KCNMA1: variants seen among roughly 807,000 people sequenced by gnomAD.
The protein encoded by KCNMA1 is Calcium-activated potassium channel subunit alpha-1.
KCNMA1 carries 29 observed loss-of-function variants against 140.0 expected under a neutral mutation model. That is an observed-to-expected ratio of 0.21 (90% CI 0.15 to 0.28). The LOEUF is 0.28. Ranked by LOEUF, KCNMA1 falls within the 10% of genes least tolerant of loss-of-function variation. The probability of loss-of-function intolerance (pLI) is 1.00; values close to 1 mark genes in which losing one functional copy is unlikely to be tolerated. For synonymous variants in KCNMA1, 612 were observed against 611.9 expected, an observed-to-expected ratio of 1.00 and a Z score of 0.00; for missense variants, 880 against 1,602.2, an observed-to-expected ratio of 0.55 and a Z score of 7.70.
chr10:77,203,880 T>A (rs990422166), intron 3 of KCNMA1, among the ~76,000 whole-genome samples: 4 of 152,048 alleles, frequency 2.6e-5, no homozygotes, highest in Non-Finnish European at 5.9e-5. Flanking sequence ...GCAGATCACT[T>A]GAAGTCAGGA....
chr10:77,452,728 G>C (rs562195776), intron 1 of KCNMA1, among the ~76,000 whole-genome samples: 1 of 152,100 alleles, frequency 6.6e-6, no homozygotes, highest in Non-Finnish European at 1.5e-5. Context: ...CCTTTTCTGG[G>C]AATCAGTACT....
intron 12 of KCNMA1, among the ~76,000 whole-genome samples, chr10:77,080,984 AAT>A (rs2096550636): frequency 6.6e-6 from 1 of 152,170 alleles, no homozygotes; most frequent in Non-Finnish European, 1.5e-5. Context: ...GCTGGTTAAA[AAT>A]AAGTGCCAAG....
intron 1 of KCNMA1, among the ~76,000 whole-genome samples, chr10:77,477,866 C>G (rs1203694942): frequency 6.6e-6 from 1 of 152,182 alleles, no homozygotes; most frequent in Non-Finnish European, 1.5e-5. Flanking sequence ...TTAGCTGGTC[C>G]TTCAGACCCG....
chr10:77,114,304 C>G (rs1395782296), intron 6 of KCNMA1, among the ~76,000 whole-genome samples: 1 of 152,214 alleles, frequency 6.6e-6, no homozygotes, highest in Non-Finnish European at 1.5e-5. Context: ...TGGAGCATAG[C>G]AGACCCGTGA....
chr10:77,457,751 C>T (rs1031187967), intron 1 of KCNMA1, among the ~76,000 whole-genome samples: 1 of 152,042 alleles, frequency 6.6e-6, no homozygotes, highest in Middle Eastern at 3.2e-3. Flanking sequence ...TGGTAGCTTC[C>T]TGGAAAGGCC....
chr10:77,566,327 A>T (rs1291218310), intron 1 of KCNMA1, among the ~76,000 whole-genome samples: 1 of 152,150 alleles, frequency 6.6e-6, no homozygotes, highest in Non-Finnish European at 1.5e-5. Flanking sequence ...TCGGGGCACC[A>T]CCTGAAAAGT....
At chr10:76,941,022 A>AAGGAAGGAAGGAAGGAAGG (rs1565058483) in intron 23 of KCNMA1, among the ~76,000 whole-genome samples, 8 of 45,550 alleles carry the variant, frequency 1.8e-4, no homozygotes, top group African/African-American at 6.2e-4. Flanking sequence ...AGGAAGGAAG[A>AAGGAAGGAAGGAAGGAAGG]AAGAAAGAAA....
At chr10:77,246,508 GGA>G (rs1045689308) in intron 3 of KCNMA1, among the ~76,000 whole-genome samples, 2 of 152,292 alleles carry the variant, frequency 1.3e-5, no homozygotes, top group African/African-American at 2.4e-5. Flanking sequence ...TGAAGACAGG[GGA>G]GGGAGAAACT....
chr10:77,027,964 A>ATCT, intron 15 of KCNMA1, 73 bp from the exon 16 acceptor site: 1 of 1,306,348 alleles, frequency 7.7e-7, no homozygotes, highest in South Asian at 1.2e-5. Context: ...CACTATTACG[A>ATCT]TCTTTCGGTC....
At position 77,473,264 on chromosome 10, in the gene KCNMA1, A is replaced by C. The variant is rs112486454; in HGVS notation, c.379-69241T>G. Among the ~76,000 whole-genome samples, 623 of 152,342 alleles carry C rather than the reference A, an allele frequency of 4.1e-3. 2 individuals carry two copies. The highest frequency in any genetic ancestry group is 7.3e-3 in the Admixed American group (111 of 15,310). On this transcript the variant is annotated intron_variant, in intron 1 of 27. Coordinates refer to ENST00000286628, the MANE Select transcript of KCNMA1 (RefSeq NM_001161352.2). ...TCAACCCAGAATTACAGCTATCCCCAGGAGGCAGGCATTGGAGGAGTTGCT... is the reference window on the plus strand; with the variant it reads ...TCAACCCAGAATTACAGCTATCCCCCGGAGGCAGGCATTGGAGGAGTTGCT...
chr10:77,024,696 A>G (rs547474092), intron 16 of KCNMA1, among the ~76,000 whole-genome samples: 1 of 152,120 alleles, frequency 6.6e-6, no homozygotes, highest in South Asian at 2.1e-4. Context: ...ACACACTAGG[A>G]AAAAAAAGCC....
intron 2 of KCNMA1, among the ~76,000 whole-genome samples, chr10:77,392,493 C>T (rs570513697): frequency 4.9e-4 from 75 of 152,306 alleles, no homozygotes; most frequent in South Asian, 2.1e-4. Flanking sequence ...ACTTCAGAAA[C>T]CTTGCCACCC....
chr10:77,096,856 T>C (rs146189817), intron 9 of KCNMA1, among the ~76,000 whole-genome samples: 14 of 152,276 alleles, frequency 9.2e-5, no homozygotes, highest in African/African-American at 3.4e-4. Flanking sequence ...AGCCTTCTAA[T>C]TGTGTTTTCC....
chr10:77,298,608 C>A (rs1260558781), intron 2 of KCNMA1, among the ~76,000 whole-genome samples: 1 of 61,824 alleles, frequency 1.6e-5, no homozygotes, highest in South Asian at 4.6e-4. Context: ...CAGGAGGGGG[C>A]ACCCTAACTG....
At chr10:77,555,649 A>T (rs546833151) in intron 1 of KCNMA1, among the ~76,000 whole-genome samples, 4 of 152,148 alleles carry the variant, frequency 2.6e-5, no homozygotes, top group Non-Finnish European at 5.9e-5. Context: ...CTCCAGCCCC[A>T]CTCTGGGGTT....
At chr10:77,334,181 G>A (rs949037661) in intron 2 of KCNMA1, among the ~76,000 whole-genome samples, 2 of 152,070 alleles carry the variant, frequency 1.3e-5, no homozygotes, top group African/African-American at 4.8e-5. Context: ...AAAGTCCAAA[G>A]GGCATGGATT....
intron 2 of KCNMA1, among the ~76,000 whole-genome samples, chr10:77,263,872 T>G (rs2062693627): frequency 6.6e-6 from 1 of 152,188 alleles, no homozygotes; most frequent in African/African-American, 2.4e-5. Context: ...CATGCCTCTT[T>G]GTTAAGACTT....
intron 20 of KCNMA1, among the ~76,000 whole-genome samples, 200 bp from the exon 21 acceptor site, chr10:76,954,124 A>T (rs2067265400): frequency 6.6e-6 from 1 of 152,118 alleles, no homozygotes; most frequent in African/African-American, 2.4e-5. Context: ...AGTGCAGGTG[A>T]CCTTTGTCAG....
At chr10:77,093,276 G>C (rs547939289) in intron 9 of KCNMA1, among the ~76,000 whole-genome samples, 2 of 152,240 alleles carry the variant, frequency 1.3e-5, no homozygotes, top group Admixed American at 1.3e-4. Flanking sequence ...GAAAAAAAGC[G>C]AGATTGATTG....
Sources: allele counts gnomAD v4.1 joint callset (sites outside exome capture counted in the v4.1 genomes callset), GRCh38; gene constraint gnomAD v4.1.1; transcripts MANE v1.5; gene names NCBI Gene and HGNC (gene_info 2026-07-23, HGNC 2026-07-21).